Variants in RAB27B observed in about 807,000 individuals in gnomAD.
RAB27B encodes the protein RAB27B, member RAS oncogene family.
In RAB27B, 15 loss-of-function variants were observed where a neutral mutation model predicts 24.6. The observed-to-expected ratio is 0.61, with a 90% CI of 0.41 to 0.94. The LOEUF (loss-of-function observed/expected upper bound fraction) is 0.94. RAB27B is among the 40% of genes least tolerant of loss of function. The probability of loss-of-function intolerance (pLI) is 0.00; values close to 1 mark genes in which losing one functional copy is unlikely to be tolerated. For synonymous variants in RAB27B, 105 were observed against 92.5 expected (o/e 1.14, Z -0.78); for missense variants, 261 against 266.8 (o/e 0.98, Z 0.15).
chr18:54,878,313 G>A (rs1013874441), intron 2 of RAB27B, among the ~76,000 whole-genome samples: 5 of 152,126 alleles, frequency 3.3e-5, no homozygotes, highest in South Asian at 2.1e-4. Flanking sequence ...TATGCTAGAC[G>A]CTATTGACAG....
chr18:54,804,407 G>A (rs1209838424), intron 2 of RAB27B, among the ~76,000 whole-genome samples: 1 of 152,130 alleles, frequency 6.6e-6, no homozygotes, highest in Non-Finnish European at 1.5e-5. Flanking sequence ...AGGAGTTTCT[G>A]CTTTTGCTTC....
chr18:54,831,781 C>CT (rs372271914), intron 1 of RAB27B, among the ~76,000 whole-genome samples: 38 of 149,174 alleles, frequency 2.5e-4, no homozygotes, highest in African/African-American at 4.4e-4. Context: ...TTTTTTTTTT[C>CT]TTTTTTTTTA....
chr18:54,831,358 T>C lies in RAB27B; in HGVS notation c.-20+2658T>C, dbSNP rs1598938487. On this transcript the variant is annotated intron_variant, in intron 1 of 5. Transcript: ENST00000262094. Reference sequence around the variant, plus strand: ...TGAACCTGGCACAGAGGGAGTGAGATGGGGGTAGCAAGAAATGGGGGAGAG... The same window carrying C: ...TGAACCTGGCACAGAGGGAGTGAGACGGGGGTAGCAAGAAATGGGGGAGAG... Among the ~76,000 whole-genome samples the C allele has an allele frequency of 1.3e-5, 2 of 151,362 alleles. 1 individual carries two copies. The highest frequency in any genetic ancestry group is 4.2e-4 in the South Asian group (2 of 4,736).
rs183223854 is a variant in RAB27B, at chr18:54,765,463, T to C, written c.-20+47322T>C. ...ATGTCCTTCATTTGTTAAGCAAATATGCATTGGTCAACCTTGTGCCAGGCA... is the reference window on the plus strand; with the variant it reads ...ATGTCCTTCATTTGTTAAGCAAATACGCATTGGTCAACCTTGTGCCAGGCA... On this transcript the variant is annotated intron_variant, in intron 2 of 4. Transcript: ENST00000586570. Among the ~76,000 whole-genome samples, 291 of 152,338 alleles carry C rather than the reference T, an allele frequency of 1.9e-3. 2 individuals are homozygous for C. The highest frequency in any genetic ancestry group is 6.4e-3 in the African/African-American group (266 of 41,578).
At chr18:54,754,404 C>T (rs1907939018) in intron 2 of RAB27B, among the ~76,000 whole-genome samples, 1 of 152,160 alleles carries the variant, frequency 6.6e-6, no homozygotes, top group African/African-American at 2.4e-5. Context: ...GGTGTGAGAA[C>T]GGACTAATAG....
chr18:54,854,576 T>C (rs1377671442), intron 1 of RAB27B, among the ~76,000 whole-genome samples: 2 of 152,078 alleles, frequency 1.3e-5, no homozygotes, highest in Non-Finnish European at 2.9e-5. Context: ...AATAATTAAG[T>C]GTGAAATTTC....
At position 54,828,530 on chromosome 18, in the gene RAB27B, G is replaced by C. The variant is rs1174937473; in HGVS notation, c.-190G>C. 3.9e-5 allele frequency: 6 copies of C among 152,324 alleles called. No individual in the cohort carries two copies. The highest frequency in any genetic ancestry group is 1.4e-4 in the African/African-American group (6 of 41,458). The allele number at this position is 152,324 out of a possible 1,614,324, so 9.4% of individuals were successfully genotyped here. On this transcript the variant is annotated 5_prime_UTR_variant, in exon 1 of 6. Coordinates refer to ENST00000262094, the MANE Select transcript of RAB27B (RefSeq NM_004163.4). ...GGACCGCCCGGCCTTGGACCCATCCGGAGCCACAGGTTGGAGGAGATAAGT... is the reference window on the plus strand; with the variant it reads ...GGACCGCCCGGCCTTGGACCCATCCCGAGCCACAGGTTGGAGGAGATAAGT...
intron 1 of RAB27B, among the ~76,000 whole-genome samples, chr18:54,830,440 A>C (rs1475409954): frequency 6.6e-6 from 1 of 152,178 alleles, no homozygotes; most frequent in Non-Finnish European, 1.5e-5. Flanking sequence ...CTCACAATCC[A>C]GTTTCTTCAG....
chr18:54,828,978 C>T (rs529689970), intron 1 of RAB27B, among the ~76,000 whole-genome samples: 29 of 152,214 alleles, frequency 1.9e-4, no homozygotes, highest in Non-Finnish European at 3.7e-4. Context: ...AAAAGAAAAA[C>T]AAAAAGCCTA....
chr18:54,724,636 G>A (rs1316970573), intron 2 of RAB27B, among the ~76,000 whole-genome samples: 1 of 150,252 alleles, frequency 6.7e-6, no homozygotes, highest in African/African-American at 2.4e-5. Flanking sequence ...GGAGACGAAG[G>A]TTGCAGTGAG....
chr18:54,789,048 G>A (rs1159027412), intron 2 of RAB27B, among the ~76,000 whole-genome samples: 1 of 152,130 alleles, frequency 6.6e-6, no homozygotes. Flanking sequence ...CCTAGGTATT[G>A]TGCCTGGTTA....
intron 2 of RAB27B, among the ~76,000 whole-genome samples, chr18:54,792,848 G>C (rs1306394223): frequency 6.6e-6 from 1 of 152,194 alleles, no homozygotes; most frequent in Non-Finnish European, 1.5e-5. Flanking sequence ...TCAGGTATAA[G>C]AGATTTGCAA....
intron 1 of RAB27B, among the ~76,000 whole-genome samples, chr18:54,874,288 G>T (rs749552952): frequency 6.6e-6 from 1 of 152,160 alleles, no homozygotes. Context: ...GATCACTGCA[G>T]TCCCTGAAGA....
chr18:54,736,624 C>T (rs1909903501), intron 2 of RAB27B, among the ~76,000 whole-genome samples: 1 of 152,100 alleles, frequency 6.6e-6, no homozygotes, highest in Non-Finnish European at 1.5e-5. Flanking sequence ...GGGAAGCCTT[C>T]TTTAGTCTCT....
At chr18:54,774,648 C>A (rs1412923636) in intron 2 of RAB27B, among the ~76,000 whole-genome samples, 1 of 152,198 alleles carries the variant, frequency 6.6e-6, no homozygotes, top group Non-Finnish European at 1.5e-5. Flanking sequence ...AAACACATTC[C>A]TTTTAATTCC....
intron 2 of RAB27B, among the ~76,000 whole-genome samples, chr18:54,748,592 C>T (rs1044230020): frequency 6.6e-6 from 1 of 152,234 alleles, no homozygotes; most frequent in East Asian, 1.9e-4. Context: ...TGGTAAAATG[C>T]AGATAGATGG....
At chr18:54,787,823 A>C (rs1346210403) in intron 2 of RAB27B, among the ~76,000 whole-genome samples, 2 of 152,004 alleles carry the variant, frequency 1.3e-5, no homozygotes, top group African/African-American at 4.8e-5. Context: ...CCATATGTAC[A>C]TGCCTAAGTT....
intron 2 of RAB27B, among the ~76,000 whole-genome samples, chr18:54,816,766 G>A (rs925983783): frequency 1.3e-5 from 2 of 152,084 alleles, no homozygotes; most frequent in African/African-American, 4.8e-5. Context: ...GAGGCTAAGG[G>A]CAAACCAGCA....
chr18:54,724,514 A>G (rs754983765), intron 2 of RAB27B, among the ~76,000 whole-genome samples: 2 of 151,384 alleles, frequency 1.3e-5, no homozygotes, highest in Non-Finnish European at 3.0e-5. Context: ...ACTTGAGATC[A>G]GGAGTTCGAG....
Sources: allele counts gnomAD v4.1 joint callset (sites outside exome capture counted in the v4.1 genomes callset), GRCh38; gene constraint gnomAD v4.1.1; transcripts MANE v1.5; gene names NCBI Gene and HGNC (gene_info 2026-07-23, HGNC 2026-07-21).